Variants in CSMD1 observed in about 807,000 individuals in gnomAD.
The protein encoded by CSMD1 is CUB and Sushi multiple domains 1.
CSMD1 carries 213 observed loss-of-function variants against 417.5 expected under a neutral mutation model. The observed-to-expected ratio is 0.51, with a 90% CI of 0.46 to 0.57. CSMD1 has a LOEUF of 0.57. Ranked by LOEUF, CSMD1 falls within the 20% of genes least tolerant of loss-of-function variation. The pLI is 0.00. For missense variants in CSMD1, 6,923 were observed against 4,529.7 expected (o/e 1.53, Z -15.17); for synonymous variants, 2,862 against 1,736.8 (o/e 1.65, Z -16.11).
chr8:3,861,010 G>A (rs1341733716), intron 5 of CSMD1, among the ~76,000 whole-genome samples: 2 of 152,200 alleles, frequency 1.3e-5, no homozygotes, highest in East Asian at 1.9e-4. Context: ...TGACAGATAT[G>A]TAAGTTTTCC....
chr8:4,344,668 A>G (rs1012468067), intron 3 of CSMD1, among the ~76,000 whole-genome samples: 4 of 152,078 alleles, frequency 2.6e-5, no homozygotes, highest in Non-Finnish European at 4.4e-5. Context: ...TTGAATCAAT[A>G]AACACAAAGA....
intron 2 of CSMD1, among the ~76,000 whole-genome samples, chr8:4,479,810 A>C (rs1367785257): frequency 6.6e-6 from 1 of 151,816 alleles, no homozygotes; most frequent in Non-Finnish European, 1.5e-5. Context: ...CTGAAAACAC[A>C]AAAATTAGCC....
At chr8:3,670,763 TG>T (rs1367728683) in intron 7 of CSMD1, among the ~76,000 whole-genome samples, 1 of 150,656 alleles carries the variant, frequency 6.6e-6, no homozygotes, top group Non-Finnish European at 1.5e-5. Context: ...TATATATGTA[TG>T]GGATATATAA....
intron 30 of CSMD1, among the ~76,000 whole-genome samples, chr8:3,213,683 G>T (rs1797735088): frequency 6.6e-6 from 1 of 150,944 alleles, no homozygotes; most frequent in Admixed American, 6.6e-5. Flanking sequence ...ATATATGTGT[G>T]TGTGTATGTA....
In CSMD1 at chr8:3,510,435, G is replaced by A. The variant is rs967835911; in HGVS notation, c.1345-16709C>T. On this transcript the variant is annotated intron_variant, in intron 10 of 69. Coordinates refer to ENST00000635120, the MANE Select transcript of CSMD1 (RefSeq NM_033225.6). ...CTGTTGCTGATTTGGCCTGGCATGG[G>A]GTAAGTTACTCAGCCCAGTCCCCTC... 2.6e-5 allele frequency among the ~76,000 whole-genome samples: 4 copies of A among 151,726 alleles called. 1 individual carries two copies. The highest frequency in any genetic ancestry group is 9.7e-5 in the African/African-American group (4 of 41,048).
chr8:3,763,691 C>T (rs1024891021), intron 5 of CSMD1, among the ~76,000 whole-genome samples: 2 of 152,132 alleles, frequency 1.3e-5, no homozygotes, highest in African/African-American at 4.8e-5. Flanking sequence ...GCCTTTGTGG[C>T]TAAACAGTGT....
intron 10 of CSMD1, among the ~76,000 whole-genome samples, chr8:3,563,085 G>A (rs183433386): frequency 6.6e-6 from 1 of 151,904 alleles, no homozygotes. Context: ...ATTATACAGG[G>A]TTGTAATTTT....
At chr8:3,247,619 G>A (rs1177937266) in intron 26 of CSMD1, among the ~76,000 whole-genome samples, 1 of 152,122 alleles carries the variant, frequency 6.6e-6, no homozygotes, top group Non-Finnish European at 1.5e-5. Flanking sequence ...ATCAGCCAGA[G>A]GTGGCCTCTG....
At chr8:3,566,103 G>T (rs1455516960) in intron 10 of CSMD1, among the ~76,000 whole-genome samples, 1 of 152,074 alleles carries the variant, frequency 6.6e-6, no homozygotes, top group African/African-American at 2.4e-5. Flanking sequence ...GAAAGGGAAG[G>T]AGGCGGAGAA....
chr8:4,426,788 T>TATA (rs1459392768), intron 2 of CSMD1, among the ~76,000 whole-genome samples: 3 of 148,758 alleles, frequency 2.0e-5, no homozygotes, highest in African/African-American at 7.3e-5. Context: ...GATGATATTA[T>TATA]ATAATATAGA....
rs181226936 is a variant in CSMD1, at chr8:3,355,751, T to C, written c.3304+3401A>G. ...ATCAAACCTCACCTGAAGATGTCCC[T>C]AGGTATGGACTTTACATCACCTTAC... On this transcript the variant is annotated intron_variant, in intron 21 of 69. Coordinates refer to ENST00000635120, the MANE Select transcript of CSMD1 (RefSeq NM_033225.6). Among the ~76,000 whole-genome samples, 662 of 152,336 alleles carry C rather than the reference T, an allele frequency of 4.3e-3. 4 individuals are homozygous for C. Among genetic ancestry groups the C allele is most frequent in the African/African-American group, 0.015 (636 of 41,582 alleles).
At chr8:3,493,522 C>A in intron 11 of CSMD1, 101 bp downstream of exon 11, 1 of 953,528 alleles carries the variant, frequency 1.0e-6, no homozygotes, top group South Asian at 1.6e-5. Context: ...ACTAAGCAAA[C>A]ACCTGAGGCC....
At chr8:4,372,043 G>C (rs758021472) in intron 3 of CSMD1, among the ~76,000 whole-genome samples, 2 of 151,678 alleles carry the variant, frequency 1.3e-5, no homozygotes, top group Admixed American at 6.6e-5. Context: ...GTCATGGCAA[G>C]GTCTGGGGTG....
At chr8:3,413,218 A>C (rs2116937153) in intron 12 of CSMD1, among the ~76,000 whole-genome samples, 1 of 152,314 alleles carries the variant, frequency 6.6e-6, no homozygotes, top group East Asian at 1.9e-4. Context: ...TGTGATACTA[A>C]AGTTTACAAT....
intron 1 of CSMD1, among the ~76,000 whole-genome samples, chr8:4,684,545 T>C (rs1022930448): frequency 6.6e-6 from 1 of 152,206 alleles, no homozygotes; most frequent in Non-Finnish European, 1.5e-5. Context: ...ATAGAGATTT[T>C]CAAATCTAGG....
intron 7 of CSMD1, among the ~76,000 whole-genome samples, chr8:3,698,525 G>A (rs1800681055): frequency 6.6e-6 from 1 of 152,200 alleles, no homozygotes; most frequent in African/African-American, 2.4e-5. Flanking sequence ...CTGGCACACG[G>A]ATTAGCAGGC....
intron 5 of CSMD1, among the ~76,000 whole-genome samples, chr8:3,826,275 A>G (rs1482962310): frequency 6.6e-6 from 1 of 152,088 alleles, no homozygotes; most frequent in Non-Finnish European, 1.5e-5. Context: ...ACCCAAAAAT[A>G]CCACCCAGGG....
In CSMD1 at chr8:3,569,748, T is replaced by C. The variant is rs889081583; in HGVS notation, c.1344+5197A>G. The stretch of plus-strand genomic sequence containing the variant: ...CAAGGAATCAAATTAAGCCTAATTA[T>C]ACTTAATGGCAATGGCTGCTGCTTA... On this transcript the variant is annotated intron_variant, in intron 10 of 69. Transcript: ENST00000635120. 3.9e-5 allele frequency among the ~76,000 whole-genome samples: 6 copies of C among 152,338 alleles called. No homozygotes were observed. In the East Asian group the frequency reaches 9.6e-4, roughly 24 times the overall value.
At position 4,394,864 on chromosome 8, in the gene CSMD1, C is replaced by T. The variant is rs564870123; in HGVS notation, c.415+25089G>A. Among the ~76,000 whole-genome samples, 25 of 152,086 alleles carry T rather than the reference C, an allele frequency of 1.6e-4. No individual in the cohort carries two copies. In the South Asian group the frequency reaches 2.9e-3, roughly 18 times the overall value. Reference sequence around the variant, plus strand: ...TTGTGCTTCTCTGGGCTAGAGAGTCCGATACAACCTTGTCTACACGTCTGT... The same window carrying T: ...TTGTGCTTCTCTGGGCTAGAGAGTCTGATACAACCTTGTCTACACGTCTGT... On this transcript the variant is annotated intron_variant, in intron 3 of 69. Transcript: ENST00000635120.
Sources: allele counts gnomAD v4.1 joint callset (sites outside exome capture counted in the v4.1 genomes callset), GRCh38; gene constraint gnomAD v4.1.1; transcripts MANE v1.5; gene names NCBI Gene and HGNC (gene_info 2026-07-23, HGNC 2026-07-21).